Variants in AP3B1 observed in about 807,000 individuals in gnomAD.
AP3B1 encodes adaptor related protein complex 3 subunit beta 1.
In AP3B1, 61 loss-of-function variants were observed where a neutral mutation model predicts 132.5. That is an observed-to-expected ratio of 0.46 (90% confidence interval 0.37 to 0.57). The LOEUF (loss-of-function observed/expected upper bound fraction) is 0.57, where lower values mean the gene tolerates loss of function less well. Ranked by LOEUF, AP3B1 falls within the 20% of genes least tolerant of loss-of-function variation. The pLI, the probability that AP3B1 is intolerant of heterozygous loss-of-function variation, is 0.00. For missense variants in AP3B1, 1,120 were observed against 1,289.4 expected, an observed-to-expected ratio of 0.87 and a Z score of 2.01; for synonymous variants, 388 against 438.3, an observed-to-expected ratio of 0.89 and a Z score of 1.43.
chr5:78,046,626 G>A (rs1239774370), intron 22 of AP3B1, among the ~76,000 whole-genome samples: 3 of 152,114 alleles, frequency 2.0e-5, no homozygotes, highest in Non-Finnish European at 4.4e-5. Flanking sequence ...TCATTGTCCA[G>A]GATTAGAAAG....
chr5:78,015,706 G>T (rs1360973662), intron 25 of AP3B1, 158 bp from the exon 26 acceptor site: 2 of 706,040 alleles, frequency 2.8e-6, no homozygotes, highest in East Asian at 5.7e-5. Context: ...AAAACAAAAT[G>T]CAATTGTTTC....
chr5:78,167,822 T>G (rs183627439), intron 11 of AP3B1, among the ~76,000 whole-genome samples: 181 of 151,762 alleles, frequency 1.2e-3, no homozygotes, highest in African/African-American at 4.0e-3. Context: ...GCTATGAGGA[T>G]GCACAGACAT....
chr5:78,207,041 T>C (rs1173671580), intron 7 of AP3B1, among the ~76,000 whole-genome samples: 1 of 152,030 alleles, frequency 6.6e-6, no homozygotes, highest in Non-Finnish European at 1.5e-5. Flanking sequence ...GTGGATCACA[T>C]GAAGTCAGGA....
chr5:78,067,408 G>A (rs763750210), intron 22 of AP3B1, among the ~76,000 whole-genome samples: 9 of 152,116 alleles, frequency 5.9e-5, no homozygotes, highest in Admixed American at 1.3e-4. Flanking sequence ...ACTCAGCTCC[G>A]GATCAAGTGG....
At chr5:78,138,183 AG>A (rs1225062454) in intron 15 of AP3B1, among the ~76,000 whole-genome samples, 1 of 152,182 alleles carries the variant, frequency 6.6e-6, no homozygotes, top group East Asian at 1.9e-4. Context: ...ACTAATTTTC[AG>A]GCTGGGTGCA....
At chr5:78,199,114 T>A (rs1202808901) in intron 7 of AP3B1, among the ~76,000 whole-genome samples, 8 of 152,282 alleles carry the variant, frequency 5.3e-5, no homozygotes, top group Admixed American at 5.2e-4. Context: ...ACATCACAAT[T>A]ATAGAAACAC....
At chr5:78,028,317 G>A (rs1050499960) in intron 24 of AP3B1, among the ~76,000 whole-genome samples, 2 of 151,494 alleles carry the variant, frequency 1.3e-5, no homozygotes, top group South Asian at 2.1e-4. Flanking sequence ...ACAATTAGTC[G>A]GGCATGGTGG....
At position 78,085,966 on chromosome 5, in the gene AP3B1, C is replaced by T. The variant is rs144420534; in HGVS notation, c.2577+3427G>A. 4.8e-3 allele frequency among the ~76,000 whole-genome samples: 730 copies of T among 152,230 alleles called. 4 individuals are homozygous for T. Among genetic ancestry groups the T allele is most frequent in the African/African-American group, 0.016 (676 of 41,556 alleles). ...ATTTCATTAAAAACAAAAACAAAAG[C>T]GGTTTCAATTTTGCATATTACGGAG... On this transcript the variant is annotated intron_variant, in intron 22 of 26. Transcript: ENST00000255194.
chr5:78,183,079 G>A (rs780222071), intron 7 of AP3B1, among the ~76,000 whole-genome samples: 1 of 152,214 alleles, frequency 6.6e-6, no homozygotes, highest in Non-Finnish European at 1.5e-5. Context: ...GTGGTTGTCA[G>A]GGAAGGACAC....
intron 7 of AP3B1, among the ~76,000 whole-genome samples, chr5:78,192,907 T>G (rs779481138): frequency 1.3e-5 from 2 of 152,140 alleles, no homozygotes; most frequent in Non-Finnish European, 2.9e-5. Flanking sequence ...TCTCCAGAAC[T>G]GTGAGAAATA....
chr5:78,271,714 G>T (rs1748552098), intron 1 of AP3B1, among the ~76,000 whole-genome samples: 1 of 152,096 alleles, frequency 6.6e-6, no homozygotes, highest in Admixed American at 6.5e-5. Context: ...AATTCCTAAG[G>T]GGCCTGAGGA....
intron 18 of AP3B1, among the ~76,000 whole-genome samples, chr5:78,114,959 A>G (rs979390491): frequency 6.6e-6 from 1 of 152,216 alleles, no homozygotes; most frequent in Non-Finnish European, 1.5e-5. Flanking sequence ...TGGGGATAAC[A>G]CTAGTTACTT....
At chr5:78,133,853 C>T (rs974635604) in intron 15 of AP3B1, among the ~76,000 whole-genome samples, 5 of 151,986 alleles carry the variant, frequency 3.3e-5, no homozygotes, top group African/African-American at 9.7e-5. Flanking sequence ...CTAATGCTAT[C>T]CAGACACTAA....
chr5:78,030,695 C>T (rs1043016234), intron 24 of AP3B1, among the ~76,000 whole-genome samples: 4 of 152,126 alleles, frequency 2.6e-5, no homozygotes, highest in East Asian at 1.9e-4. Context: ...TCACTCATTA[C>T]GGGCAGGGAT....
intron 14 of AP3B1, among the ~76,000 whole-genome samples, chr5:78,149,083 T>C (rs1009978994): frequency 6.6e-6 from 1 of 152,162 alleles, no homozygotes; most frequent in Non-Finnish European, 1.5e-5. Context: ...GTCACTCTAA[T>C]TCCCAATTTG....
At chr5:78,061,406 A>T (rs1749050120) in intron 22 of AP3B1, among the ~76,000 whole-genome samples, 1 of 152,214 alleles carries the variant, frequency 6.6e-6, no homozygotes, top group African/African-American at 2.4e-5. Flanking sequence ...AAAGCTATGT[A>T]AAAATTTCAA....
chr5:78,234,479 A>G (rs1392222139), intron 3 of AP3B1, among the ~76,000 whole-genome samples: 1 of 152,206 alleles, frequency 6.6e-6, no homozygotes, highest in Non-Finnish European at 1.5e-5. Context: ...AACTAGATTT[A>G]AAGTTCCTAA....
chr5:78,243,569 T>C (rs1413861269), intron 2 of AP3B1, among the ~76,000 whole-genome samples: 1 of 151,902 alleles, frequency 6.6e-6, no homozygotes, highest in African/African-American at 2.4e-5. Context: ...AATAGTGAGG[T>C]GGCAATAGAC....
intron 14 of AP3B1, among the ~76,000 whole-genome samples, chr5:78,155,689 T>C (rs1743119206): frequency 6.6e-6 from 1 of 151,796 alleles, no homozygotes; most frequent in Non-Finnish European, 1.5e-5. Flanking sequence ...AAAAAGTAGA[T>C]TAGTAGTGGC....
Sources: allele counts gnomAD v4.1 joint callset (sites outside exome capture counted in the v4.1 genomes callset), GRCh38; gene constraint gnomAD v4.1.1; transcripts MANE v1.5; gene names NCBI Gene and HGNC (gene_info 2026-07-23, HGNC 2026-07-21).